The following AHCYL2 variants were observed in gnomAD, a reference collection of about 807,000 sequenced individuals.
AHCYL2 encodes S-adenosylhomocysteine hydrolase-like protein 2.
A neutral mutation model predicts 81.4 loss-of-function variants in AHCYL2; 28 were observed. That is an observed-to-expected ratio of 0.34 (90% confidence interval 0.25 to 0.47). The LOEUF is 0.47. Ranked by LOEUF, AHCYL2 falls within the 20% of genes least tolerant of loss-of-function variation. AHCYL2 has a pLI of 1.00. For synonymous variants in AHCYL2, 272 were observed against 290.2 expected (o/e 0.94, Z 0.64); for missense variants, 551 against 785.1 (o/e 0.70, Z 3.56).
At chr7:129,271,409 A>G (rs1796012738) in intron 1 of AHCYL2, among the ~76,000 whole-genome samples, 1 of 151,662 alleles carries the variant, frequency 6.6e-6, no homozygotes. Context: ...CAAAAAATAT[A>G]GTCACTGAAA....
chr7:129,371,440 C>G (rs766322466), intron 1 of AHCYL2, among the ~76,000 whole-genome samples: 6 of 152,190 alleles, frequency 3.9e-5, no homozygotes, highest in Non-Finnish European at 8.8e-5. Context: ...GCCTGAAGAA[C>G]CCCAATCTCA....
At chr7:129,402,102 T>C (rs946300820) in intron 6 of AHCYL2, among the ~76,000 whole-genome samples, 3 of 152,206 alleles carry the variant, frequency 2.0e-5, no homozygotes, top group Admixed American at 2.0e-4. Context: ...AGTTGTTCAA[T>C]CTCTCTTGTC....
chr7:129,244,686 C>T (rs1282166465), intron 1 of AHCYL2, among the ~76,000 whole-genome samples: 2 of 152,176 alleles, frequency 1.3e-5, no homozygotes, highest in African/African-American at 4.8e-5. Flanking sequence ...CCAAAGGCCT[C>T]ACCACCAAAT....
intron 4 of AHCYL2, 24 bp from the exon 5 acceptor site, chr7:129,397,198 T>C (rs373366155): frequency 6.2e-7 from 1 of 1,604,310 alleles, no homozygotes; most frequent in Non-Finnish European, 8.5e-7. Context: ...GGCTTGCTCA[T>C]ACCCTGCTTT....
At chr7:129,272,622 G>A (rs1264688465) in intron 1 of AHCYL2, among the ~76,000 whole-genome samples, 3 of 152,140 alleles carry the variant, frequency 2.0e-5, no homozygotes, top group Non-Finnish European at 4.4e-5. Context: ...GTTATATAGT[G>A]ATTCAAGGTT....
chr7:129,255,004 G>A (rs1320133907), intron 1 of AHCYL2, among the ~76,000 whole-genome samples: 9 of 152,074 alleles, frequency 5.9e-5, no homozygotes, highest in African/African-American at 2.2e-4. Context: ...GCCGGGCGTG[G>A]TGGCTCCCAG....
In AHCYL2 at chr7:129,347,340, C is replaced by G. The variant is rs538538738; in HGVS notation, c.364-32298C>G. 5.9e-5 allele frequency among the ~76,000 whole-genome samples: 9 copies of G among 152,284 alleles called. No individual in the cohort carries two copies. The South Asian group carries it at 1.9e-3, about 32-fold the overall frequency. The stretch of plus-strand genomic sequence containing the variant: ...TTGATTAACTGTAACAGATGTACCA[C>G]TCTGGTGCAGGTTGTTGACAGTGGG... On this transcript the variant is annotated intron_variant, in intron 1 of 16. Transcript: ENST00000325006.
At chr7:129,288,136 A>C (rs1380616791) in intron 1 of AHCYL2, among the ~76,000 whole-genome samples, 2 of 152,250 alleles carry the variant, frequency 1.3e-5, no homozygotes, top group Non-Finnish European at 2.9e-5. Flanking sequence ...GAATCAGGAT[A>C]CAAATGAGTA....
At chr7:129,413,222 A>T (rs1337146071) in intron 11 of AHCYL2, among the ~76,000 whole-genome samples, 1 of 147,610 alleles carries the variant, frequency 6.8e-6, no homozygotes, top group African/African-American at 2.5e-5. Flanking sequence ...GCTCACTGCA[A>T]GCTCCACCTC....
intron 1 of AHCYL2, among the ~76,000 whole-genome samples, chr7:129,378,309 TA>T (rs34119954): frequency 0.025 from 3,663 of 146,172 alleles, 71 homozygotes; most frequent in Admixed American, 0.058. Flanking sequence ...AGACTCCATC[TA>T]AAAAAAAAAA....
At chr7:129,365,628 G>A (rs191553688) in intron 1 of AHCYL2, among the ~76,000 whole-genome samples, 1,247 of 124,346 alleles carry the variant, frequency 0.01, 73 homozygotes, top group Admixed American at 0.07. Flanking sequence ...GGAGGATAGA[G>A]TATATATATA....
chr7:129,409,554 AATG>A lies in AHCYL2; in HGVS notation c.1366+10_1366+12del. 1 of 1,600,250 alleles carries A rather than the reference AATG, an allele frequency of 6.2e-7. No homozygotes were observed. The highest frequency in any genetic ancestry group is 8.5e-7 in the Non-Finnish European group (1 of 1,170,542). The stretch of plus-strand genomic sequence containing the variant: ...TTGTTATTACCTGTACAGGTATGAT[AATG>A]ACATTTTAAATGGGGTGGCACTTGG... On this transcript the variant is annotated intron_variant, in intron 11 of 16. Transcript: ENST00000325006.
intron 1 of AHCYL2, among the ~76,000 whole-genome samples, chr7:129,324,807 G>GC: frequency 6.6e-6 from 1 of 152,332 alleles, no homozygotes; most frequent in East Asian, 1.9e-4. Context: ...GAGCCACTGT[G>GC]CCCGGCCTGG....
chr7:129,410,999 G>C (rs745599132), intron 11 of AHCYL2, among the ~76,000 whole-genome samples: 1 of 151,918 alleles, frequency 6.6e-6, no homozygotes, highest in African/African-American at 2.4e-5. Context: ...CCTGGCCTCA[G>C]CGTGGTTCTC....
intron 1 of AHCYL2, among the ~76,000 whole-genome samples, chr7:129,270,252 C>T (rs888929994): frequency 6.6e-6 from 1 of 152,154 alleles, no homozygotes; most frequent in African/African-American, 2.4e-5. Flanking sequence ...CCTTGACATA[C>T]GTACCTGCTT....
intron 1 of AHCYL2, among the ~76,000 whole-genome samples, chr7:129,280,897 C>T (rs2150739448): frequency 6.7e-6 from 1 of 150,184 alleles, no homozygotes; most frequent in African/African-American, 2.5e-5. Context: ...CAGAGTCTCG[C>T]TCTGTCGCCC....
At chr7:129,412,351 G>C (rs1796624174) in intron 11 of AHCYL2, among the ~76,000 whole-genome samples, 2 of 150,308 alleles carry the variant, frequency 1.3e-5, no homozygotes, top group Non-Finnish European at 3.0e-5. Context: ...CGCGATACTG[G>C]CTCACTGCAA....
intron 1 of AHCYL2, among the ~76,000 whole-genome samples, chr7:129,261,160 T>A (rs1391869144): frequency 2.0e-5 from 3 of 152,260 alleles, no homozygotes; most frequent in Non-Finnish European, 4.4e-5. Context: ...TGATAAATTT[T>A]ATTTTGTATT....
chr7:129,255,493 T>A (rs1795383545), intron 1 of AHCYL2, among the ~76,000 whole-genome samples: 1 of 152,230 alleles, frequency 6.6e-6, no homozygotes, highest in Non-Finnish European at 1.5e-5. Context: ...AGTAACTATC[T>A]ATTGGACAGT....
Sources: gnomAD v4.1 joint callset for allele counts (sites outside exome capture counted in the v4.1 genomes callset) on GRCh38, gnomAD v4.1.1 for gene constraint, MANE v1.5 for transcripts, NCBI Gene and HGNC (gene_info 2026-07-23, HGNC 2026-07-21) for gene names.